Variants in POU2F1 observed in about 807,000 individuals in gnomAD.
POU2F1 encodes POU class 2 homeobox 1.
A neutral mutation model predicts 84.9 loss-of-function variants in POU2F1; 16 were observed. The observed-to-expected ratio is 0.19, with a 90% CI of 0.13 to 0.29. The LOEUF (loss-of-function observed/expected upper bound fraction) is 0.29. POU2F1 is among the 10% of genes least tolerant of loss of function. POU2F1 has a pLI of 1.00. For synonymous variants in POU2F1, 368 were observed against 368.3 expected, an observed-to-expected ratio of 1.00 and a Z score of 0.01; for missense variants, 738 against 942.6, an observed-to-expected ratio of 0.78 and a Z score of 2.84.
chr1:167,245,368 C>T (rs979253276), intron 1 of POU2F1, among the ~76,000 whole-genome samples: 23 of 151,444 alleles, frequency 1.5e-4, no homozygotes, highest in African/African-American at 4.1e-4. Flanking sequence ...CTCAACCTCC[C>T]GAGTAGCTGG....
chr1:167,350,490 G>T (rs1557915781), intron 2 of POU2F1, among the ~76,000 whole-genome samples: 8 of 152,054 alleles, frequency 5.3e-5, no homozygotes. Flanking sequence ...TAAAGAACAT[G>T]GGGAACTGAC....
chr1:167,325,073 G>T (rs1344616153), intron 1 of POU2F1, among the ~76,000 whole-genome samples: 1 of 152,162 alleles, frequency 6.6e-6, no homozygotes, highest in Non-Finnish European at 1.5e-5. Flanking sequence ...GTTTGTATGT[G>T]TGTGATGGGT....
intron 3 of POU2F1, among the ~76,000 whole-genome samples, chr1:167,366,083 A>AT (rs1021022534): frequency 1.2e-4 from 19 of 152,166 alleles, no homozygotes; most frequent in African/African-American, 4.1e-4. Flanking sequence ...ATGTCACAAC[A>AT]TTTTTTTCCC....
At chr1:167,359,419 T>C (rs1220851168) in intron 2 of POU2F1, among the ~76,000 whole-genome samples, 3 of 152,204 alleles carry the variant, frequency 2.0e-5, no homozygotes, top group African/African-American at 7.2e-5. Context: ...AACTCCCACT[T>C]AAATGTGAGA....
intron 1 of POU2F1, among the ~76,000 whole-genome samples, chr1:167,238,509 C>T (rs1420897493): frequency 2.6e-5 from 4 of 152,176 alleles, no homozygotes; most frequent in Admixed American, 2.0e-4. Flanking sequence ...GTGCCCTCAA[C>T]AGTCTTCCTA....
rs142481396 is a variant in POU2F1, at chr1:167,310,325, G to C, written c.62-22145G>C. On this transcript the variant is annotated intron_variant, in intron 1 of 15. Transcript: ENST00000367866. The stretch of plus-strand genomic sequence containing the variant: ...TGATGGGAAAAGGCCAAATATATCA[G>C]TAATCACAAAGGAAGTAGTAAATGG... 3.9e-4 allele frequency among the ~76,000 whole-genome samples: 59 copies of C among 152,062 alleles called. 1 individual carries two copies. The East Asian group carries it at 0.011, about 29-fold the overall frequency.
chr1:167,250,680 A>C (rs1650662725), intron 1 of POU2F1, among the ~76,000 whole-genome samples: 1 of 152,242 alleles, frequency 6.6e-6, no homozygotes, highest in African/African-American at 2.4e-5. Context: ...TTTCTTATCA[A>C]CAAAGTGGAT....
intron 2 of POU2F1, among the ~76,000 whole-genome samples, chr1:167,336,905 C>T (rs930754034): frequency 6.6e-6 from 1 of 152,092 alleles, no homozygotes; most frequent in African/African-American, 2.4e-5. Flanking sequence ...ATGGCTCATG[C>T]TTGTAATCCC....
intron 2 of POU2F1, among the ~76,000 whole-genome samples, chr1:167,339,313 T>C (rs1188109106): frequency 6.6e-6 from 1 of 152,174 alleles, no homozygotes; most frequent in Non-Finnish European, 1.5e-5. Flanking sequence ...GGTAACAAAT[T>C]CACAGCTTCC....
Position 167,401,574 on chromosome 1 carries a change from C to T in POU2F1, c.1555+18C>T, listed in dbSNP as rs1406406008. ...AGTTACAGGTAAGCAGCTGCCAGGC[C>T]ATGCACCTGCTGAGCACATGGGAGG... is the stretch of plus-strand genomic sequence containing the variant. On this transcript the variant is annotated intron_variant, in intron 13 of 15. Transcript: ENST00000367866. 7 of 1,569,490 alleles carry T rather than the reference C, an allele frequency of 4.5e-6. No homozygotes were observed. The African/African-American group carries it at 5.4e-5, about 12-fold the overall frequency.
chr1:167,298,177 G>C (rs1467154954), intron 1 of POU2F1, among the ~76,000 whole-genome samples: 3 of 151,942 alleles, frequency 2.0e-5, no homozygotes, highest in African/African-American at 7.3e-5. Context: ...GAGCAAGAAC[G>C]AGGAGCCTGT....
At chr1:167,323,648 C>G (rs1337571169) in intron 1 of POU2F1, among the ~76,000 whole-genome samples, 1 of 152,104 alleles carries the variant, frequency 6.6e-6, no homozygotes, top group African/African-American at 2.4e-5. Context: ...TGTTTGTGCT[C>G]CCAATACTGT....
intron 5 of POU2F1, 141 bp from the exon 6 acceptor site, chr1:167,373,967 C>G (rs758397050): frequency 1.4e-6 from 1 of 720,892 alleles, no homozygotes; most frequent in Non-Finnish European, 2.5e-6. Context: ...CACTGATGAA[C>G]ATTTTAGCTG....
At chr1:167,245,859 A>T (rs1006394997) in intron 1 of POU2F1, among the ~76,000 whole-genome samples, 1 of 152,216 alleles carries the variant, frequency 6.6e-6, no homozygotes, top group Non-Finnish European at 1.5e-5. Flanking sequence ...CCGTGGCTCA[A>T]CTCAAATAAT....
At chr1:167,221,187 C>T (rs944172668) in intron 1 of POU2F1, among the ~76,000 whole-genome samples, 1 of 151,518 alleles carries the variant, frequency 6.6e-6, no homozygotes, top group Admixed American at 6.6e-5. Flanking sequence ...GGCTGCGATC[C>T]ACTGCCCTCC....
At chr1:167,224,223 C>T (rs947067990) in intron 1 of POU2F1, among the ~76,000 whole-genome samples, 52 of 152,152 alleles carry the variant, frequency 3.4e-4, no homozygotes, top group Non-Finnish European at 7.3e-5. Flanking sequence ...GATAGATAGT[C>T]ATAGAAGTGA....
chr1:167,323,537 A>G (rs1656470860), intron 1 of POU2F1, among the ~76,000 whole-genome samples: 1 of 152,214 alleles, frequency 6.6e-6, no homozygotes, highest in African/African-American at 2.4e-5. Flanking sequence ...CTGACAGCCC[A>G]TTCCTGTTTG....
At chr1:167,293,669 C>T (rs1453479421) in intron 1 of POU2F1, among the ~76,000 whole-genome samples, 1 of 152,050 alleles carries the variant, frequency 6.6e-6, no homozygotes, top group Non-Finnish European at 1.5e-5. Flanking sequence ...ACAAAAAGAA[C>T]AAATCTGGAG....
intron 1 of POU2F1, among the ~76,000 whole-genome samples, chr1:167,284,419 C>T (rs1653376074): frequency 6.6e-6 from 1 of 152,088 alleles, no homozygotes; most frequent in African/African-American, 2.4e-5. Context: ...AGCTTACCAT[C>T]TTCAGTTACA....
Sources: gnomAD v4.1 joint callset for allele counts (sites outside exome capture counted in the v4.1 genomes callset) on GRCh38, gnomAD v4.1.1 for gene constraint, MANE v1.5 for transcripts, NCBI Gene and HGNC (gene_info 2026-07-23, HGNC 2026-07-21) for gene names.